The following XRCC4 variants were observed in gnomAD, a reference collection of about 807,000 sequenced individuals.
XRCC4 encodes the protein X-ray repair cross complementing 4.
A neutral mutation model predicts 39.1 loss-of-function variants in XRCC4; 28 were observed. The ratio of observed to expected loss-of-function variants is 0.72; its 90% confidence interval spans 0.53 to 0.98. The LOEUF (loss-of-function observed/expected upper bound fraction) is 0.98. XRCC4 is among the 50% of genes least tolerant of loss of function. XRCC4 has a pLI of 0.00. For missense variants in XRCC4, 350 were observed against 376.4 expected (o/e 0.93, Z 0.58); for synonymous variants, 123 against 126.4 (o/e 0.97, Z 0.18).
intron 6 of XRCC4, among the ~76,000 whole-genome samples, chr5:83,245,498 A>G (rs1017914572): frequency 5.9e-5 from 9 of 152,104 alleles, no homozygotes; most frequent in African/African-American, 2.2e-4. Flanking sequence ...CTAGGAATAT[A>G]ATTGTTATTG....
rs147268390 is a variant in XRCC4 at position 83,190,848 on chromosome 5, G to A, written c.316-4922G>A. On this transcript the variant is annotated intron_variant, in intron 3 of 7. Coordinates refer to ENST00000396027, the MANE Select transcript of XRCC4 (RefSeq NM_003401.5). ...ATTTTCAAATCTATGTATTATGATA[G>A]CATTAAGTGCTATTAAGCAATCTTT... 2.6e-3 allele frequency among the ~76,000 whole-genome samples: 391 copies of A among 152,170 alleles called. 1 individual carries two copies. Among genetic ancestry groups the A allele is most frequent in the Middle Eastern group, 0.014 (4 of 294 alleles).
At chr5:83,156,596 T>G (rs1336186974) in intron 3 of XRCC4, among the ~76,000 whole-genome samples, 1 of 152,198 alleles carries the variant, frequency 6.6e-6, no homozygotes, top group East Asian at 1.9e-4. Flanking sequence ...GGCCGAAGAG[T>G]ACAAACTGGG....
chr5:83,118,508 C>G (rs527837537), intron 3 of XRCC4, among the ~76,000 whole-genome samples: 1 of 152,250 alleles, frequency 6.6e-6, no homozygotes, highest in African/African-American at 2.4e-5. Flanking sequence ...ATTTCATAGT[C>G]CAAGATGACT....
At position 83,245,837 on chromosome 5, in the gene XRCC4, C is replaced by G. The variant is rs1753080081; in HGVS notation, c.746-12693C>G. Among the ~76,000 whole-genome samples the G allele has an allele frequency of 2.2e-5, 3 of 138,678 alleles. No homozygotes were observed. In the Admixed American group the frequency reaches 2.2e-4, roughly 10 times the overall value. 91.0% of individuals were successfully genotyped at this position (138,678 alleles called of 152,430 possible). On this transcript the variant is annotated intron_variant, in intron 6 of 7. Coordinates refer to ENST00000396027, the MANE Select transcript of XRCC4 (RefSeq NM_003401.5). ...TCTTTCCCCCACTTTTCTCACTCCC[C>G]CCCTCCATCTGTACTTTTAATACCT... is the stretch of plus-strand genomic sequence containing the variant.
At chr5:83,328,994 A>G (rs1433559167) in intron 7 of XRCC4, among the ~76,000 whole-genome samples, 1 of 152,062 alleles carries the variant, frequency 6.6e-6, no homozygotes, top group Non-Finnish European at 1.5e-5. Context: ...CTGGACTCCA[A>G]CAACTCCTAG....
chr5:83,204,392 C>G (rs1751338483), intron 5 of XRCC4, among the ~76,000 whole-genome samples: 1 of 152,022 alleles, frequency 6.6e-6, no homozygotes, highest in Non-Finnish European at 1.5e-5. Context: ...TAGTTTATAG[C>G]TTTGGACAAG....
intron 7 of XRCC4, among the ~76,000 whole-genome samples, chr5:83,272,646 T>A (rs950277024): frequency 6.6e-6 from 1 of 152,186 alleles, no homozygotes; most frequent in Admixed American, 6.5e-5. Context: ...TTCTCATTGC[T>A]TAACTCCCAC....
chr5:83,172,084 A>G (rs1749751744), intron 3 of XRCC4, among the ~76,000 whole-genome samples: 1 of 152,184 alleles, frequency 6.6e-6, no homozygotes, highest in African/African-American at 2.4e-5. Flanking sequence ...ACATAGTAGT[A>G]CTATGATGGT....
intron 6 of XRCC4, among the ~76,000 whole-genome samples, chr5:83,241,942 GGGAGGAGGAGGAAGAGGA>G (rs1415913850): frequency 7.1e-6 from 1 of 140,630 alleles, no homozygotes; most frequent in African/African-American, 3.0e-5. Context: ...GAGGAAGAGT[GGGAGGAGGAGGAAGAGGA>G]GGAGGAGGAG....
chr5:83,313,243 T>A (rs1755767327), intron 7 of XRCC4, among the ~76,000 whole-genome samples: 1 of 152,100 alleles, frequency 6.6e-6, no homozygotes, highest in African/African-American at 2.4e-5. Flanking sequence ...TTCTTACGTA[T>A]CCTTTAGAAA....
chr5:83,088,092 A>G (rs772380870), intron 1 of XRCC4, among the ~76,000 whole-genome samples: 2 of 151,882 alleles, frequency 1.3e-5, no homozygotes, highest in Admixed American at 6.6e-5. Flanking sequence ...CTTCTCTTAT[A>G]CCTCTTATTT....
intron 3 of XRCC4, among the ~76,000 whole-genome samples, chr5:83,162,075 G>A (rs1303689808): frequency 1.3e-5 from 2 of 152,254 alleles, no homozygotes; most frequent in African/African-American, 4.8e-5. Context: ...GCTGAGGCAG[G>A]AGTGTGGCAT....
At chr5:83,246,913 A>G (rs1005942609) in intron 6 of XRCC4, among the ~76,000 whole-genome samples, 17 of 152,202 alleles carry the variant, frequency 1.1e-4, no homozygotes, top group South Asian at 4.1e-4. Flanking sequence ...CAAGAGTAAA[A>G]TATCTTATGA....
At chr5:83,240,108 A>G (rs1331643223) in intron 6 of XRCC4, among the ~76,000 whole-genome samples, 1 of 152,156 alleles carries the variant, frequency 6.6e-6, no homozygotes, top group Non-Finnish European at 1.5e-5. Flanking sequence ...CAGGAGTTCA[A>G]GGCTGCAGTG....
chr5:83,298,888 GCTAA>G (rs1156394831), intron 7 of XRCC4, among the ~76,000 whole-genome samples: 1 of 151,660 alleles, frequency 6.6e-6, no homozygotes, highest in East Asian at 1.9e-4. Context: ...CAAGTAACCT[GCTAA>G]CTTTTATGTT....
intron 3 of XRCC4, among the ~76,000 whole-genome samples, chr5:83,132,595 T>C (rs1245577388): frequency 6.6e-6 from 1 of 152,112 alleles, no homozygotes; most frequent in African/African-American, 2.4e-5. Context: ...TACTCTTTTT[T>C]CTCTAAACTT....
intron 1 of XRCC4, among the ~76,000 whole-genome samples, chr5:83,095,001 G>T (rs1745611913): frequency 6.7e-6 from 1 of 149,440 alleles, no homozygotes; most frequent in Non-Finnish European, 1.5e-5. Context: ...GTAATCCTGT[G>T]TCCTTGTGTT....
intron 3 of XRCC4, among the ~76,000 whole-genome samples, chr5:83,135,544 T>TG (rs975475656): frequency 6.6e-6 from 1 of 152,122 alleles, no homozygotes; most frequent in South Asian, 2.1e-4. Flanking sequence ...TCTCGTTTTT[T>TG]GGGGATTCCA....
In XRCC4 at chr5:83,084,293, C is replaced by T. The variant is rs796987674; in HGVS notation, c.-11+6678C>T. Among the ~76,000 whole-genome samples the T allele has an allele frequency of 6.6e-5, 10 of 152,108 alleles. No individual in the cohort carries two copies. In the South Asian group the frequency reaches 2.1e-3, roughly 32 times the overall value. On this transcript the variant is annotated intron_variant, in intron 1 of 7. Transcript: ENST00000396027. ...GGAGGGAGTTAATGCATTGTATAGC[C>T]CTGGACAATTTGCTCCTTGTTATTG...
Sources: allele counts gnomAD v4.1 joint callset (sites outside exome capture counted in the v4.1 genomes callset), GRCh38; gene constraint gnomAD v4.1.1; transcripts MANE v1.5; gene names NCBI Gene and HGNC (gene_info 2026-07-23, HGNC 2026-07-21).